The following HLA-DOB variants were observed in gnomAD, a reference collection of about 807,000 sequenced individuals.
The protein encoded by HLA-DOB is HLA class II histocompatibility antigen, DO beta chain.
HLA-DOB carries 25 observed loss-of-function variants against 27.7 expected under a neutral mutation model. The ratio of observed to expected loss-of-function variants is 0.90; its 90% CI spans 0.66 to 1.26. The LOEUF is 1.26. Among genes scored for constraint, HLA-DOB ranks in the 50% most tolerant of loss-of-function variants. The pLI is 0.00. For synonymous variants in HLA-DOB, 137 were observed against 125.6 expected, an observed-to-expected ratio of 1.09 and a Z score of -0.61; for missense variants, 306 against 324.9, an observed-to-expected ratio of 0.94 and a Z score of 0.45.
chr6:32,814,936 A>G, intron 2 of HLA-DOB, 108 bp downstream of exon 2: 1 of 1,269,926 alleles, frequency 7.9e-7, no homozygotes, highest in Non-Finnish European at 1.1e-6. Flanking sequence ...ATCTACACAG[A>G]CAACCATTTA....
chr6:32,814,689 C>G (rs573079276), intron 2 of HLA-DOB, 88 bp from the exon 3 acceptor site: 2 of 1,233,066 alleles, frequency 1.6e-6, no homozygotes, highest in South Asian at 2.7e-5. Flanking sequence ...TATGTCTAAT[C>G]TCTTTCCCAG....
chr6:32,814,720 G>C, intron 2 of HLA-DOB, 119 bp from the exon 3 acceptor site: 1 of 955,476 alleles, frequency 1.0e-6, no homozygotes, highest in Non-Finnish European at 1.6e-6. Flanking sequence ...TGAACACAAA[G>C]TATAGGCAAG....
rs765791205 is a variant in HLA-DOB at position 32,815,249 on chromosome 6, A to G, written c.156T>C (p.Phe52=). 78 of 1,614,112 alleles carry G rather than the reference A, an allele frequency of 4.8e-5. No individual in the cohort carries two copies. The highest frequency in any genetic ancestry group is 5.8e-5 in the Non-Finnish European group (68 of 1,180,040). ...CCAAGTTAAAGATGAATCTGACCACAAACTGCACCTTTTCTGTCCCGTTGG... is the reference window on the plus strand; with the variant it reads ...CCAAGTTAAAGATGAATCTGACCACGAACTGCACCTTTTCTGTCCCGTTGG... ...YFTNGTEKVQ[F]VVRFIFNLEE... is the part of the protein sequence containing the mutation. Residue 52 remains phenylalanine (F), a synonymous_variant, in exon 2 of 6, where the codon TTT becomes TTC. Transcript: ENST00000438763.
In HLA-DOB at chr6:32,813,772, C is replaced by A. The variant is rs1344585640; in HGVS notation, c.705G>T (p.Gly235=). 6.4e-7 allele frequency: 1 copy of A among 1,564,446 alleles called. No individual in the cohort carries two copies. The part of the protein sequence containing the change: ...MLSGIAAFLL[G]LIFLLVGIVI... Reference sequence around the variant, plus strand: ...CGATTCCCACCAGAAGGAAGATTAGCCCAAGTAGGAAGGCTGCAATGCCAC... The same window carrying A: ...CGATTCCCACCAGAAGGAAGATTAGACCAAGTAGGAAGGCTGCAATGCCAC... The change falls in exon 4 of 6, where the codon GGG becomes GGT. Residue 235 remains glycine (G), a synonymous_variant. Transcript: ENST00000438763.
At chr6:32,814,622 A>C in intron 2 of HLA-DOB, 21 bp from the exon 3 acceptor site, 2 of 1,601,560 alleles carry the variant, frequency 1.2e-6, no homozygotes, top group Non-Finnish European at 1.7e-6. Flanking sequence ...AGGAAAAATG[A>C]GACACCGTGA....
At position 32,813,053 on chromosome 6, in the gene HLA-DOB, G is replaced by C. The variant is rs1230775514; in HGVS notation, c.*163C>G. Reference sequence around the variant, plus strand: ...AAGGGCAGATGGGTGGGAGATGCATGATCTCAGAACACAGAGCTCCAGAAT... The same window carrying C: ...AAGGGCAGATGGGTGGGAGATGCATCATCTCAGAACACAGAGCTCCAGAAT... On this transcript the variant is annotated 3_prime_UTR_variant, in exon 6 of 6. Coordinates refer to ENST00000438763, the MANE Select transcript of HLA-DOB (RefSeq NM_002120.4). The C allele has an allele frequency of 3.6e-5, 25 of 696,928 alleles. No individual in the cohort carries two copies. Among genetic ancestry groups the C allele is most frequent in the Middle Eastern group, 4.9e-4 (2 of 4,050 alleles). 43.2% of individuals were successfully genotyped at this position (696,928 alleles called of 1,614,324 possible).
At position 32,815,207 on chromosome 6, in the gene HLA-DOB, G is replaced by T. The variant is rs778791940; in HGVS notation, c.198C>A (p.Phe66Leu). 2 of 1,614,020 alleles carry T rather than the reference G, an allele frequency of 1.2e-6. No homozygotes were observed. Among genetic ancestry groups the T allele is most frequent in the Non-Finnish European group, 1.7e-6 (2 of 1,180,036 alleles). The change falls in exon 2 of 6, where the codon TTC (phenylalanine) becomes TTA (leucine). Residue 66 changes from phenylalanine to leucine, a missense_variant. Coordinates refer to ENST00000438763, the MANE Select transcript of HLA-DOB (RefSeq NM_002120.4). ...CCACAAACATCCCCACATCACTGTC[G>T]AAACGTACATACTCCTCCAAGTTAA... ...FIFNLEEYVR[F>L]DSDVGMFVAL...
chr6:32,814,263 T>A, intron 3 of HLA-DOB, 57 bp downstream of exon 3: 8 of 1,482,996 alleles, frequency 5.4e-6, no homozygotes, highest in Non-Finnish European at 7.5e-6. Flanking sequence ...ACAGGCTCTG[T>A]ATTGAGTCAG....
rs1264228933 is a variant in HLA-DOB at position 32,816,966 on chromosome 6, AAAAATGAGATAGT to A, written c.-28_-16del. 1.3e-6 allele frequency: 2 copies of A among 1,593,812 alleles called. No individual in the cohort carries two copies. The highest frequency in any genetic ancestry group is 4.5e-5 in the East Asian group (2 of 44,794). On this transcript the variant is annotated 5_prime_UTR_variant, in exon 1 of 6. Transcript: ENST00000438763. ...CCAGAACCCATTCTGGAGAAAGGAAAAAAATGAGATAGTAAAATCGTCAGCCTCTTCAGAATGA... is the reference window on the plus strand; with the variant it reads ...CCAGAACCCATTCTGGAGAAAGGAAAAAAATCGTCAGCCTCTTCAGAATGA...
At chr6:32,814,907 T>G in intron 2 of HLA-DOB, 137 bp downstream of exon 2, 1 of 1,053,394 alleles carries the variant, frequency 9.5e-7, no homozygotes, top group Non-Finnish European at 1.3e-6. Context: ...GGATAATATA[T>G]CACAGCTGGG....
Position 32,813,348 on chromosome 6 carries a change from C to A in HLA-DOB, c.786+92G>T, listed in dbSNP as rs1487196098. The A allele has an allele frequency of 1.7e-5, 27 of 1,584,934 alleles. No individual in the cohort carries two copies. The Admixed American group carries it at 4.3e-4, about 25-fold the overall frequency. On this transcript the variant is annotated intron_variant, in intron 5 of 5. Transcript: ENST00000438763. ...GACAGTCCCATCCAGACAGCAGCAA[C>A]CTTACTCCTCCCTACCCCCATGTCA...
chr6:32,814,388 T>C lies in HLA-DOB; in HGVS notation c.575A>G (p.Glu192Gly). The change falls in exon 3 of 6, where the codon GAA becomes GGA. Residue 192 changes from glutamate (E) to glycine (G), a missense_variant. Transcript: ENST00000438763. Reference protein sequence around the residue: ...QTVVMLEMTPELGHVYTCLVD... With the variant: ...QTVVMLEMTPGLGHVYTCLVD... ...AAGGCAGGTGTAGACATGTCCAAGT[T>C]CAGGAGTCATTTCTAGCATCACCAC... The C allele has an allele frequency of 6.2e-7, 1 of 1,612,898 alleles. No individual in the cohort carries two copies. The highest frequency in any genetic ancestry group is 1.1e-5 in the South Asian group (1 of 91,070).
chr6:32,815,057 A>C lies in HLA-DOB; in HGVS notation c.348T>G (p.Thr116=), dbSNP rs768956535. The change falls in exon 2 of 6, where the codon ACT becomes ACG. Residue 116 remains threonine (T), a synonymous_variant. Transcript: ENST00000438763. ...RHNYRLGAPF[T]VGRKVQPEVT... ...CTTCCAGCTCACCTTTTCTCCCCAC[A>C]GTGAAGGGTGCGCCCAGCCTGTAGT... 6.2e-7 allele frequency: 1 copy of C among 1,613,962 alleles called. No individual in the cohort carries two copies. Among genetic ancestry groups the C allele is most frequent in the African/African-American group, 1.3e-5 (1 of 74,902 alleles).
At position 32,813,165 on chromosome 6, in the gene HLA-DOB, G is replaced by A. The variant is rs781199237; in HGVS notation, c.*51C>T. 7.4e-5 allele frequency: 114 copies of A among 1,546,908 alleles called. No individual in the cohort carries two copies. Among genetic ancestry groups the A allele is most frequent in the Non-Finnish European group, 9.6e-5 (108 of 1,119,536 alleles). The stretch of plus-strand genomic sequence containing the variant: ...TGTCCTTTACCTCACCCAGGGCCCA[G>A]ACTACTCATCACTACTTCAGGCTCC... On this transcript the variant is annotated 3_prime_UTR_variant, in exon 6 of 6. Transcript: ENST00000438763.
intron 3 of HLA-DOB, 80 bp downstream of exon 3, chr6:32,814,240 A>G (rs1767918228): frequency 7.6e-7 from 1 of 1,323,672 alleles, no homozygotes; most frequent in Non-Finnish European, 1.1e-6. Flanking sequence ...ACCAAGATAA[A>G]CGCAGAAGTG....
Position 32,815,191 on chromosome 6 carries a change from T to C in HLA-DOB, c.214A>G (p.Met72Val), listed in dbSNP as rs1285354165. ...EYVRFDSDVGMFVALTKLGQP... is the reference protein window; with the variant it reads ...EYVRFDSDVGVFVALTKLGQP... ...CCCAGCTTGGTCAATGCCACAAACATCCCCACATCACTGTCGAAACGTACA... is the reference window on the plus strand; with the variant it reads ...CCCAGCTTGGTCAATGCCACAAACACCCCCACATCACTGTCGAAACGTACA... Residue 72 changes from methionine (M) to valine (V), a missense_variant, in exon 2 of 6, where the codon ATG (methionine) becomes GTG (valine). Physicochemically the swap from Met to Val is conservative, Grantham distance 21. Coordinates refer to ENST00000438763, the MANE Select transcript of HLA-DOB (RefSeq NM_002120.4). 1 of 1,613,898 alleles carries C rather than the reference T, an allele frequency of 6.2e-7. No homozygotes were observed. The highest frequency in any genetic ancestry group is 8.5e-7 in the Non-Finnish European group (1 of 1,180,018).
Position 32,813,241 on chromosome 6 carries a change from G to A in HLA-DOB, c.797C>T (p.Ala266Val), listed in dbSNP as rs1490516525. Residue 266 changes from alanine to valine, a missense_variant, in exon 6 of 6, where the codon GCT (alanine) becomes GTT (valine). By Grantham distance (64) the Ala-to-Val change is moderately conservative. Transcript: ENST00000438763. ...TTAGCATGACTGAGGGAGCAGAACA[G>A]CTCTTGAGACCTGGAGGCACAGTGA... is the stretch of plus-strand genomic sequence containing the variant. ...TQMSGNEVSR[A>V]VLLPQSC The A allele has an allele frequency of 1.2e-6, 2 of 1,613,030 alleles. No individual in the cohort carries two copies. The highest frequency in any genetic ancestry group is 8.5e-7 in the Non-Finnish European group (1 of 1,179,980).
chr6:32,813,496 G>A, intron 4 of HLA-DOB, 25 bp from the exon 5 acceptor site: 1 of 1,611,316 alleles, frequency 6.2e-7, no homozygotes, highest in Non-Finnish European at 8.5e-7. Flanking sequence ...AGAAAAGAAT[G>A]GATTGCCCCA....
rs1767872256 is a variant in HLA-DOB, at chr6:32,813,236, GA to G, written c.801del (p.Leu268CysfsTer18). ...GGACCTTAGCATGACTGAGGGAGCA[GA>G]ACAGCTCTTGAGACCTGGAGGCACA... ...QMSGNEVSRA[V>X]LLPQSC On this transcript the variant is annotated frameshift_variant, in exon 6 of 6. Coordinates refer to ENST00000438763, the MANE Select transcript of HLA-DOB (RefSeq NM_002120.4). LOFTEE classifies it low-confidence loss of function (END_TRUNC). The G allele has an allele frequency of 6.2e-6, 10 of 1,613,062 alleles. No homozygotes were observed. The highest frequency in any genetic ancestry group is 8.5e-6 in the Non-Finnish European group (10 of 1,179,974).
Sources: gnomAD v4.1 joint callset for allele counts on GRCh38, gnomAD v4.1.1 for gene constraint, MANE v1.5 for transcripts, NCBI Gene and HGNC (gene_info 2026-07-23, HGNC 2026-07-21) for gene names.